The following UNC13C variants were observed in gnomAD, a reference collection of about 807,000 sequenced individuals.
UNC13C encodes the protein unc-13 homolog C, also known as protein unc-13 homolog C.
In UNC13C, 174 loss-of-function variants were observed where a neutral mutation model predicts 245.4. That is an observed-to-expected ratio of 0.71 (90% CI 0.63 to 0.80). The LOEUF (loss-of-function observed/expected upper bound fraction) is 0.80, where lower values mean the gene tolerates loss of function less well. UNC13C is among the 30% of genes least tolerant of loss of function. The pLI is 0.00. For synonymous variants in UNC13C, 992 were observed against 895.1 expected (o/e 1.11, Z -1.93); for missense variants, 2,829 against 2,602.9 (o/e 1.09, Z -1.89).
intron 17 of UNC13C, among the ~76,000 whole-genome samples, chr15:54,374,340 T>C (rs905758804): frequency 6.6e-6 from 1 of 152,136 alleles, no homozygotes; most frequent in African/African-American, 2.4e-5. Flanking sequence ...AGGCTGTTTG[T>C]ACTGAGGGAC....
At chr15:54,313,689 C>CT (rs1275229514) in intron 13 of UNC13C, among the ~76,000 whole-genome samples, 2 of 151,576 alleles carry the variant, frequency 1.3e-5, no homozygotes, top group South Asian at 2.1e-4. Context: ...TAACACAATG[C>CT]TTTTTTTTCT....
intron 27 of UNC13C, among the ~76,000 whole-genome samples, chr15:54,548,096 T>G (rs1052860879): frequency 6.6e-6 from 1 of 152,140 alleles, no homozygotes; most frequent in African/African-American, 2.4e-5. Context: ...CTTGCATGAC[T>G]GTCACAGATT....
At chr15:53,952,588 C>T in the UNC13C span, among the ~76,000 whole-genome samples, 2 of 152,222 alleles carry the variant, frequency 1.3e-5, no homozygotes, top group Non-Finnish European at 2.9e-5. Context: ...TTCTTTCTGG[C>T]TGCCAACATG....
intron 30 of UNC13C, among the ~76,000 whole-genome samples, chr15:54,607,095 A>T (rs540320012): frequency 1.2e-4 from 19 of 152,320 alleles, no homozygotes; most frequent in East Asian, 7.7e-4. Flanking sequence ...AAAACTTTTT[A>T]AAAAATTATG....
intron 10 of UNC13C, among the ~76,000 whole-genome samples, chr15:54,275,100 T>TA (rs1409108920): frequency 3.9e-5 from 6 of 152,080 alleles, no homozygotes; most frequent in Admixed American, 6.6e-5. Flanking sequence ...TCACATTGCA[T>TA]AAAAAACATC....
chr15:54,030,182 C>T lies in UNC13C; in HGVS notation c.2983+14296C>T, dbSNP rs74322881. Among the ~76,000 whole-genome samples the T allele has an allele frequency of 4.1e-3, 628 of 152,226 alleles. 5 individuals are homozygous for T. Among genetic ancestry groups the T allele is most frequent in the African/African-American group, 0.015 (614 of 41,530 alleles). ...TTCCAGGGACCACCTTCCAAACTAC[C>T]CACCCCCATGTCCGTGTCCCAGGCT... On this transcript the variant is annotated intron_variant, in intron 2 of 32. Coordinates refer to ENST00000260323, the MANE Select transcript of UNC13C (RefSeq NM_001080534.3).
In UNC13C at chr15:54,567,650, A is replaced by T. The variant is rs561096005; in HGVS notation, c.5959-150A>T. 173 of 638,920 alleles carry T rather than the reference A, an allele frequency of 2.7e-4. 2 individuals carry two copies. In the South Asian group the frequency reaches 3.6e-3, roughly 13 times the overall value. The allele number at this position is 638,920 out of a possible 1,614,324, so 39.6% of individuals were successfully genotyped here. A position where few individuals can be genotyped will look rare whatever the true frequency, so the allele number is the denominator to read the frequency against. On this transcript the variant is annotated intron_variant, in intron 29 of 32. Transcript: ENST00000260323. ...TAGGGACCTGAATTAGACGTTAATA[A>T]CTTAGCAATGGGAAAATGATGGAAC... is the stretch of plus-strand genomic sequence containing the variant.
chr15:54,371,186 C>G (rs565440657), intron 17 of UNC13C, among the ~76,000 whole-genome samples: 3 of 152,284 alleles, frequency 2.0e-5, no homozygotes, highest in Non-Finnish European at 4.4e-5. Context: ...ACTCCTACCC[C>G]TGCCCGACCA....
At chr15:54,177,417 CA>C (rs2033652721) in intron 4 of UNC13C, among the ~76,000 whole-genome samples, 1 of 152,134 alleles carries the variant, frequency 6.6e-6, no homozygotes, top group African/African-American at 2.4e-5. Context: ...AAAAGTACTA[CA>C]TGTAGCTCAC....
intron 4 of UNC13C, among the ~76,000 whole-genome samples, chr15:54,174,781 C>T (rs763982991): frequency 2.6e-5 from 4 of 152,016 alleles, no homozygotes; most frequent in Non-Finnish European, 5.9e-5. Context: ...TTTCAAAAGC[C>T]CTCGTTTCCT....
chr15:53,907,874 T>TA, the UNC13C span, among the ~76,000 whole-genome samples: 478 of 146,574 alleles, frequency 3.3e-3, 47 homozygotes, highest in Non-Finnish European at 4.1e-3. Flanking sequence ...AAAAGCAAAA[T>TA]AATAAACAGA....
At chr15:54,163,018 G>A (rs1310090551) in intron 4 of UNC13C, among the ~76,000 whole-genome samples, 1 of 152,120 alleles carries the variant, frequency 6.6e-6, no homozygotes, top group Non-Finnish European at 1.5e-5. Context: ...ACTCCTTGTG[G>A]TAGACAGCAT....
At chr15:54,193,366 C>T (rs751637616) in intron 4 of UNC13C, among the ~76,000 whole-genome samples, 1 of 152,122 alleles carries the variant, frequency 6.6e-6, no homozygotes, top group African/African-American at 2.4e-5. Context: ...TGTTTTCTAT[C>T]TTTATTCAGT....
At chr15:54,385,919 G>C (rs1274746063) in intron 17 of UNC13C, among the ~76,000 whole-genome samples, 1 of 152,172 alleles carries the variant, frequency 6.6e-6, no homozygotes, top group East Asian at 1.9e-4. Flanking sequence ...GCTAGACCTT[G>C]ATTGTGCCTA....
upstream of UNC13C, among the ~76,000 whole-genome samples, chr15:53,977,784 A>G (rs969131801): frequency 6.6e-6 from 1 of 152,218 alleles, no homozygotes; most frequent in African/African-American, 2.4e-5. Context: ...AGTCCATTCA[A>G]TTCCCAGCCA....
In UNC13C at chr15:54,066,641, C is replaced by T. The variant is rs149982599; in HGVS notation, c.2983+50755C>T. Among the ~76,000 whole-genome samples, 19 of 152,242 alleles carry T rather than the reference C, an allele frequency of 1.2e-4. No homozygotes were observed. The East Asian group carries it at 3.3e-3, about 26-fold the overall frequency. On this transcript the variant is annotated intron_variant, in intron 2 of 32. Coordinates refer to ENST00000260323, the MANE Select transcript of UNC13C (RefSeq NM_001080534.3). The stretch of plus-strand genomic sequence containing the variant: ...TGAGATTTGTGAGCCTCAGAGGTCA[C>T]GTGTTATGCCTTCAGAAGATGATTT...
Position 54,507,213 on chromosome 15 carries a change from T to C in UNC13C, c.5379+19T>C, listed in dbSNP as rs941153830. 3 of 1,479,284 alleles carry C rather than the reference T, an allele frequency of 2.0e-6. No individual in the cohort carries two copies. The highest frequency in any genetic ancestry group is 9.3e-7 in the Non-Finnish European group (1 of 1,075,912). 91.6% of individuals were successfully genotyped at this position (1,479,284 alleles called of 1,614,324 possible). On this transcript the variant is annotated intron_variant, in intron 23 of 32. Transcript: ENST00000260323. ...AAATGTGGTAAGTAAAAAATGTCTC[T>C]ACTTTCAAGTATCTCTCAGTTGAGA...
intron 29 of UNC13C, among the ~76,000 whole-genome samples, chr15:54,557,339 C>G (rs748314107): frequency 6.6e-6 from 1 of 151,904 alleles, no homozygotes; most frequent in Non-Finnish European, 1.5e-5. Context: ...CTATTAGACT[C>G]TCTTGACCCT....
intron 2 of UNC13C, among the ~76,000 whole-genome samples, chr15:54,018,097 A>G (rs1264459921): frequency 6.6e-6 from 1 of 152,118 alleles, no homozygotes; most frequent in Non-Finnish European, 1.5e-5. Context: ...ATCCTGTGCC[A>G]CCCATATGCC....
Sources: allele counts gnomAD v4.1 joint callset (sites outside exome capture counted in the v4.1 genomes callset), GRCh38; gene constraint gnomAD v4.1.1; transcripts MANE v1.5; gene names NCBI Gene and HGNC (gene_info 2026-07-23, HGNC 2026-07-21).